OR5M11: variants seen among roughly 807,000 people sequenced by gnomAD.
The protein encoded by OR5M11 is olfactory receptor 5M11.
For missense variants in OR5M11, 411 were observed against 375.8 expected (o/e 1.09, Z -0.77); for synonymous variants, 183 against 147.7 (o/e 1.24, Z -1.73).
chr11:56,542,845 C>A lies in OR5M11; in HGVS notation c.413G>T (p.Arg138Ile). The A allele has an allele frequency of 6.2e-7, 1 of 1,613,964 alleles. No homozygotes were observed. Among genetic ancestry groups the A allele is most frequent in the Non-Finnish European group, 8.5e-7 (1 of 1,179,952 alleles). The change falls in exon 1 of 1, where the codon AGA becomes ATA. Residue 138 changes from arginine (R) to isoleucine (I), a missense_variant. Transcript: ENST00000528616. Reference protein sequence around the residue: ...PLRYSVKTSRRVCICLATFPY... With the variant: ...PLRYSVKTSRIVCICLATFPY... ...AAATGTGGCCAAGCAGATGCAAACT[C>A]TCCTGGACGTTTTCACACTGTAGCG...
chr11:56,543,118 A>T lies in OR5M11; in HGVS notation c.140T>A (p.Met47Lys). The T allele has an allele frequency of 1.2e-6, 2 of 1,614,010 alleles. No homozygotes were observed. Among genetic ancestry groups the T allele is most frequent in the Non-Finnish European group, 1.7e-6 (2 of 1,179,926 alleles). Residue 47 changes from methionine to lysine, a missense_variant, in exon 1 of 1, where the codon ATG becomes AAG. Transcript: ENST00000528616. ...AAGGCGAGAGTCCAGTCTCATTAAC[A>T]TTATCATGCCCAGGTTGCCTAGCAG... Reference protein sequence around the residue: ...VTLLGNLGMIMLMRLDSRLHT... With the variant: ...VTLLGNLGMIKLMRLDSRLHT...
chr11:56,542,621 C>T lies in OR5M11; in HGVS notation c.637G>A (p.Val213Ile), dbSNP rs545438676. 304 of 1,613,874 alleles carry T rather than the reference C, an allele frequency of 1.9e-4. No homozygotes were observed. The highest frequency in any genetic ancestry group is 1.8e-3 in the South Asian group (166 of 91,070). ...GFNLSSSLTI[V>I]LVSYAFILAA... Reference sequence around the variant, plus strand: ...AGAATGAAGGCATAGGACACCAAGACGATGGTGAGGGAGCTGGAGAGGTTG... The same window carrying T: ...AGAATGAAGGCATAGGACACCAAGATGATGGTGAGGGAGCTGGAGAGGTTG... Residue 213 changes from valine to isoleucine, a missense_variant, in exon 1 of 1, where the codon GTC (valine) becomes ATC (isoleucine). Coordinates refer to ENST00000528616, the MANE Select transcript of OR5M11 (RefSeq NM_001005245.1).
At position 56,542,346 on chromosome 11, in the gene OR5M11, C is replaced by A. The variant is rs748278525; in HGVS notation, c.912G>T (p.Leu304=). The stretch of plus-strand genomic sequence containing the variant: ...CCATGGTCATGACAATATTTCATCT[C>A]AGGACATTCTTCAAGGCCTGCTTCA... The part of the protein sequence containing the change: ...KDVKQALKNV[L]R Residue 304 remains leucine (L), a synonymous_variant, in exon 1 of 1, where the codon CTG becomes CTT. Coordinates refer to ENST00000528616, the MANE Select transcript of OR5M11 (RefSeq NM_001005245.1). 12 of 1,579,536 alleles carry A rather than the reference C, an allele frequency of 7.6e-6. No homozygotes were observed. In the African/African-American group the frequency reaches 1.2e-4, roughly 16 times the overall value.
Position 56,542,781 on chromosome 11 carries a change from G to A in OR5M11, c.477C>T (p.Ala159=), listed in dbSNP as rs759799407. Residue 159 remains alanine (A), a synonymous_variant, in exon 1 of 1, where the codon GCC becomes GCT. Coordinates refer to ENST00000528616, the MANE Select transcript of OR5M11 (RefSeq NM_001005245.1). The part of the protein sequence containing the change: ...VYGFSDGLFQ[A]ILTFRLTFCR... ...AGAAGGTCAGGCGGAAGGTCAGGAT[G>A]GCCTGGAAGAGTCCATCTGAGAAGC... The A allele has an allele frequency of 3.7e-6, 6 of 1,613,854 alleles. No individual in the cohort carries two copies. The Admixed American group carries it at 1.0e-4, about 27-fold the overall frequency.
Position 56,542,649 on chromosome 11 carries a change from G to A in OR5M11, c.609C>T (p.Gly203=). Residue 203 remains glycine, a synonymous_variant, in exon 1 of 1, where the codon GGC becomes GGT. Transcript: ENST00000528616. The part of the protein sequence containing the change: ...VKEHAMFISA[G]FNLSSSLTIV... ...TGGTGAGGGAGCTGGAGAGGTTGAA[G>A]CCAGCAGATATGAACATGGCATGCT... The A allele has an allele frequency of 6.2e-7, 1 of 1,613,980 alleles. No individual in the cohort carries two copies. The highest frequency in any genetic ancestry group is 1.1e-5 in the South Asian group (1 of 91,080).
In OR5M11 at chr11:56,542,716, G is replaced by T. The variant is rs201503891; in HGVS notation, c.542C>A (p.Pro181Gln). Residue 181 changes from proline (P) to glutamine (Q), a missense_variant, in exon 1 of 1, where the codon CCG becomes CAG. Physicochemically the swap from Pro to Gln is moderately conservative, Grantham distance 76. Transcript: ENST00000528616. ...AGAACAAGAAAGCTTAATGAGCGGC[G>T]GGTCAGCACAGTAGAAGTGGTTGAT... ...SVINHFYCAD[P>Q]PLIKLSCSDT... The T allele has an allele frequency of 2.5e-6, 4 of 1,613,654 alleles. No individual in the cohort carries two copies. The highest frequency in any genetic ancestry group is 1.6e-4 in the Middle Eastern group (1 of 6,082).
chr11:56,542,965 G>T lies in OR5M11; in HGVS notation c.293C>A (p.Thr98Lys). The change falls in exon 1 of 1, where the codon ACA becomes AAA. Residue 98 changes from threonine (T) to lysine (K), a missense_variant. Thr to Lys is a moderately conservative substitution (Grantham distance 78). Transcript: ENST00000528616. Reference protein sequence around the residue: ...EKTISFAGCFTQCYIFIALLL... With the variant: ...EKTISFAGCFKQCYIFIALLL... ...AAGGGCAATGAAAATGTAGCACTGT[G>T]TAAAGCAACCAGCAAAGGAAATGGT... is the stretch of plus-strand genomic sequence containing the variant. 1 of 1,614,068 alleles carries T rather than the reference G, an allele frequency of 6.2e-7. No individual in the cohort carries two copies. The highest frequency in any genetic ancestry group is 8.5e-7 in the Non-Finnish European group (1 of 1,179,948).
chr11:56,542,996 C>T lies in OR5M11; in HGVS notation c.262G>A (p.Glu88Lys), dbSNP rs1036522703. ...TPQMSTNIVS[E>K]KTISFAGCFT... ...CAACCAGCAAAGGAAATGGTCTTCT[C>T]AGATACGATATTAGTCGACATCTGC... The change falls in exon 1 of 1, where the codon GAG becomes AAG. Residue 88 changes from glutamate (E) to lysine (K), a missense_variant. Glu to Lys is a moderately conservative substitution (Grantham distance 56, BLOSUM62 1). Transcript: ENST00000528616. The T allele has an allele frequency of 5.6e-6, 9 of 1,613,870 alleles. No individual in the cohort carries two copies. The African/African-American group carries it at 9.3e-5, about 17-fold the overall frequency.
chr11:56,542,745 A>T lies in OR5M11; in HGVS notation c.513T>A (p.Ser171Arg), dbSNP rs554925451. Residue 171 changes from serine (S) to arginine (R), a missense_variant, in exon 1 of 1, where the codon AGT (serine) becomes AGA (arginine). Ser to Arg is a moderately radical substitution (Grantham distance 110, BLOSUM62 -1). Coordinates refer to ENST00000528616, the MANE Select transcript of OR5M11 (RefSeq NM_001005245.1). ...CAGCACAGTAGAAGTGGTTGATGACACTGGATCTACAGAAGGTCAGGCGGA... is the reference window on the plus strand; with the variant it reads ...CAGCACAGTAGAAGTGGTTGATGACTCTGGATCTACAGAAGGTCAGGCGGA... ...LTFRLTFCRS[S>R]VINHFYCADP... is the part of the protein sequence containing the mutation. The T allele has an allele frequency of 6.2e-7, 1 of 1,613,836 alleles. No homozygotes were observed. The highest frequency in any genetic ancestry group is 1.6e-4 in the Middle Eastern group (1 of 6,062).
At position 56,543,058 on chromosome 11, in the gene OR5M11, G is replaced by A; in HGVS notation, c.200C>T (p.Ala67Val). 1 of 1,613,988 alleles carries A rather than the reference G, an allele frequency of 6.2e-7. No individual in the cohort carries two copies. Among genetic ancestry groups the A allele is most frequent in the Non-Finnish European group, 8.5e-7 (1 of 1,179,894 alleles). Residue 67 changes from alanine (A) to valine (V), a missense_variant, in exon 1 of 1, where the codon GCC becomes GTC. Coordinates refer to ENST00000528616, the MANE Select transcript of OR5M11 (RefSeq NM_001005245.1). ...TPMYFFLTNLAFVDLCYTSNA... is the reference protein window; with the variant it reads ...TPMYFFLTNLVFVDLCYTSNA... ...TGATGTATAGCACAAATCCACAAAG[G>A]CTAAGTTAGTGAGGAAGAAGTACAT...
rs754001396 is a variant in OR5M11 at position 56,542,513 on chromosome 11, G to C, written c.745C>G (p.Leu249Val). ...ATGCAAAAGAGAGTCCCATAAAACA[G>C]GGTGACAGCCATCATATGGGAACCA... ...TCGSHMMAVT[L>V]FYGTLFCMYI... Residue 249 changes from leucine (L) to valine (V), a missense_variant, in exon 1 of 1, where the codon CTG becomes GTG. Leu to Val is a conservative substitution (Grantham distance 32, BLOSUM62 1). Coordinates refer to ENST00000528616, the MANE Select transcript of OR5M11 (RefSeq NM_001005245.1). 22 of 1,613,860 alleles carry C rather than the reference G, an allele frequency of 1.4e-5. No individual in the cohort carries two copies. The highest frequency in any genetic ancestry group is 1.6e-4 in the Middle Eastern group (1 of 6,084).
Position 56,542,888 on chromosome 11 carries a change from C to T in OR5M11, c.370G>A (p.Ala124Thr). The T allele has an allele frequency of 6.2e-7, 1 of 1,614,012 alleles. No individual in the cohort carries two copies. The highest frequency in any genetic ancestry group is 8.5e-7 in the Non-Finnish European group (1 of 1,180,002). ...CTGTAGCGCAGAGGGTCATATATGG[C>T]CACATAGCGGTCATAGGCCATTGCT... ...LAAMAYDRYV[A>T]IYDPLRYSVK... The change falls in exon 1 of 1, where the codon GCC becomes ACC. Residue 124 changes from alanine (A) to threonine (T), a missense_variant. Ala to Thr is a moderately conservative substitution (Grantham distance 58). Transcript: ENST00000528616.
Position 56,542,952 on chromosome 11 carries a change from A to G in OR5M11, c.306T>C (p.Ile102=). The change falls in exon 1 of 1, where the codon ATT becomes ATC. Residue 102 remains isoleucine (I), a synonymous_variant. Transcript: ENST00000528616. ...ACTCAGTGAGTAGAAGGGCAATGAA[A>G]ATGTAGCACTGTGTAAAGCAACCAG... is the stretch of plus-strand genomic sequence containing the variant. ...SFAGCFTQCY[I]FIALLLTEFY... 6.2e-7 allele frequency: 1 copy of G among 1,614,104 alleles called. No homozygotes were observed. Among genetic ancestry groups the G allele is most frequent in the Non-Finnish European group, 8.5e-7 (1 of 1,179,980 alleles).
rs1852846619 is a variant in OR5M11 at position 56,542,529 on chromosome 11, A to G, written c.729T>C (p.His243=). 6.2e-7 allele frequency: 1 copy of G among 1,614,038 alleles called. No homozygotes were observed. Among genetic ancestry groups the G allele is most frequent in the Non-Finnish European group, 8.5e-7 (1 of 1,179,874 alleles). Residue 243 remains histidine, a synonymous_variant, in exon 1 of 1, where the codon CAT becomes CAC. Transcript: ENST00000528616. ...CATAAAACAGGGTGACAGCCATCAT[A>G]TGGGAACCACAGGTGGAGAATGCCT... ...RHKAFSTCGS[H]MMAVTLFYGT...
rs927526620 is a variant in OR5M11 at position 56,543,095 on chromosome 11, G to T, written c.163C>A (p.Leu55Ile). 6.2e-7 allele frequency: 1 copy of T among 1,614,038 alleles called. No individual in the cohort carries two copies. The highest frequency in any genetic ancestry group is 8.5e-7 in the Non-Finnish European group (1 of 1,179,952). ...AGGAAGAAGTACATGGGCGTGTGAA[G>T]GCGAGAGTCCAGTCTCATTAACATT... Reference protein sequence around the residue: ...MIMLMRLDSRLHTPMYFFLTN... With the variant: ...MIMLMRLDSRIHTPMYFFLTN... The change falls in exon 1 of 1, where the codon CTT becomes ATT. Residue 55 changes from leucine to isoleucine, a missense_variant. Physicochemically the swap from Leu to Ile is conservative, Grantham distance 5. Coordinates refer to ENST00000528616, the MANE Select transcript of OR5M11 (RefSeq NM_001005245.1).
rs746800691 is a variant in OR5M11 at position 56,542,533 on chromosome 11, G to A, written c.725C>T (p.Ser242Phe). ...GRHKAFSTCGSHMMAVTLFYG... is the reference protein window; with the variant it reads ...GRHKAFSTCGFHMMAVTLFYG... ...AAACAGGGTGACAGCCATCATATGGGAACCACAGGTGGAGAATGCCTTGTG... is the reference window on the plus strand; with the variant it reads ...AAACAGGGTGACAGCCATCATATGGAAACCACAGGTGGAGAATGCCTTGTG... Residue 242 changes from serine to phenylalanine, a missense_variant, in exon 1 of 1, where the codon TCC (serine) becomes TTC (phenylalanine). Transcript: ENST00000528616. 3 of 1,613,992 alleles carry A rather than the reference G, an allele frequency of 1.9e-6. No homozygotes were observed. The highest frequency in any genetic ancestry group is 2.2e-5 in the South Asian group (2 of 91,078).
chr11:56,542,864 T>G lies in OR5M11; in HGVS notation c.394A>C (p.Ser132Arg). ...CAAACTCTCCTGGACGTTTTCACAC[T>G]GTAGCGCAGAGGGTCATATATGGCC... ...YVAIYDPLRY[S>R]VKTSRRVCIC... The change falls in exon 1 of 1, where the codon AGT becomes CGT. Residue 132 changes from serine (S) to arginine (R), a missense_variant. Transcript: ENST00000528616. 6.2e-7 allele frequency: 1 copy of G among 1,614,030 alleles called. No homozygotes were observed. The highest frequency in any genetic ancestry group is 8.5e-7 in the Non-Finnish European group (1 of 1,180,018).
In OR5M11 at chr11:56,543,037, G is replaced by T. The variant is rs754395508; in HGVS notation, c.221C>A (p.Thr74Lys). 5 of 1,613,664 alleles carry T rather than the reference G, an allele frequency of 3.1e-6. No individual in the cohort carries two copies. Among genetic ancestry groups the T allele is most frequent in the Non-Finnish European group, 4.2e-6 (5 of 1,179,702 alleles). The change falls in exon 1 of 1, where the codon ACA becomes AAA. Residue 74 changes from threonine (T) to lysine (K), a missense_variant. Coordinates refer to ENST00000528616, the MANE Select transcript of OR5M11 (RefSeq NM_001005245.1). ...CGACATCTGCGGGGTTGCATTTGAT[G>T]TATAGCACAAATCCACAAAGGCTAA... ...TNLAFVDLCY[T>K]SNATPQMSTN... is the part of the protein sequence containing the mutation.
chr11:56,542,879 C>A lies in OR5M11; in HGVS notation c.379G>T (p.Asp127Tyr). 3.1e-6 allele frequency: 5 copies of A among 1,613,982 alleles called. No individual in the cohort carries two copies. Among genetic ancestry groups the A allele is most frequent in the Non-Finnish European group, 3.4e-6 (4 of 1,180,006 alleles). Residue 127 changes from aspartate (D) to tyrosine (Y), a missense_variant, in exon 1 of 1, where the codon GAC (aspartate) becomes TAC (tyrosine). Transcript: ENST00000528616. Reference sequence around the variant, plus strand: ...GTTTTCACACTGTAGCGCAGAGGGTCATATATGGCCACATAGCGGTCATAG... The same window carrying A: ...GTTTTCACACTGTAGCGCAGAGGGTAATATATGGCCACATAGCGGTCATAG... ...MAYDRYVAIY[D>Y]PLRYSVKTSR...
Sources: allele counts gnomAD v4.1 joint callset, GRCh38; gene constraint gnomAD v4.1.1; transcripts MANE v1.5; gene names NCBI Gene and HGNC (gene_info 2026-07-23, HGNC 2026-07-21).